The following RBFOX1 variants were observed in gnomAD, a reference collection of about 807,000 sequenced individuals.
RBFOX1 encodes the protein RNA binding fox-1 homolog 1.
Under a neutral mutation model 57.7 loss-of-function variants are expected in RBFOX1, and 8 were observed. The ratio of observed to expected loss-of-function variants is 0.14; its 90% CI spans 0.08 to 0.25. The LOEUF (loss-of-function observed/expected upper bound fraction) is 0.25. Among genes scored for constraint, RBFOX1 ranks in the 10% least tolerant of loss-of-function variants. RBFOX1 has a pLI of 1.00. For missense variants in RBFOX1, 611 were observed against 548.5 expected (o/e 1.11, Z -1.14); for synonymous variants, 326 against 222.4 (o/e 1.47, Z -4.15).
chr16:5,904,501 T>G (rs1435940112), intron 4 of RBFOX1, among the ~76,000 whole-genome samples: 2 of 151,526 alleles, frequency 1.3e-5, no homozygotes, highest in Non-Finnish European at 2.9e-5. Context: ...ACAAGCAGAA[T>G]GTGGGGATGG....
chr16:6,998,116 A>G (rs2092425643), intron 3 of RBFOX1, among the ~76,000 whole-genome samples: 1 of 152,134 alleles, frequency 6.6e-6, no homozygotes, highest in Non-Finnish European at 1.5e-5. Flanking sequence ...ACAATAGCAT[A>G]TGTAGTATAT....
chr16:6,637,581 A>AGAATAGTCTATATAGTATATATG (rs71145265), intron 2 of RBFOX1, among the ~76,000 whole-genome samples: 7 of 143,210 alleles, frequency 4.9e-5, no homozygotes, highest in East Asian at 2.0e-4. Context: ...TAGTATATAT[A>AGAATAGTCTATATAGTATATATG]TAATAGTCTA....
intron 1 of RBFOX1, among the ~76,000 whole-genome samples, chr16:5,354,453 T>C (rs1431482947): frequency 6.6e-6 from 1 of 152,184 alleles, no homozygotes; most frequent in Non-Finnish European, 1.5e-5. Flanking sequence ...AGCCCCGGTT[T>C]TCTTGTGTGT....
chr16:5,658,066 C>T (rs967719816), intron 3 of RBFOX1, among the ~76,000 whole-genome samples: 1 of 152,108 alleles, frequency 6.6e-6, no homozygotes, highest in African/African-American at 2.4e-5. Flanking sequence ...TTTCGTGATC[C>T]AGACTCCAGG....
intron 4 of RBFOX1, among the ~76,000 whole-genome samples, chr16:7,128,955 G>A (rs922060119): frequency 6.6e-6 from 1 of 151,472 alleles, no homozygotes; most frequent in Non-Finnish European, 1.5e-5. Flanking sequence ...CAAGTAGCTG[G>A]GACTACAGGT....
intron 1 of RBFOX1, among the ~76,000 whole-genome samples, chr16:5,463,362 C>G (rs1269425826): frequency 6.6e-6 from 1 of 152,124 alleles, no homozygotes; most frequent in Non-Finnish European, 1.5e-5. Context: ...TGAAGCTGAT[C>G]TCTTTATTCT....
chr16:6,882,866 C>A (rs2063238612), intron 3 of RBFOX1, among the ~76,000 whole-genome samples: 1 of 152,142 alleles, frequency 6.6e-6, no homozygotes, highest in African/African-American at 2.4e-5. Flanking sequence ...GAGTGAACAA[C>A]CATCTTCCTG....
intron 3 of RBFOX1, among the ~76,000 whole-genome samples, chr16:6,861,207 T>A (rs1442293163): frequency 6.6e-6 from 1 of 152,200 alleles, no homozygotes; most frequent in Non-Finnish European, 1.5e-5. Context: ...CAGCTACAGT[T>A]ACCGCTGTGT....
intron 1 of RBFOX1, among the ~76,000 whole-genome samples, chr16:5,273,389 A>T (rs1045616233): frequency 6.6e-6 from 1 of 152,170 alleles, no homozygotes; most frequent in Non-Finnish European, 1.5e-5. Context: ...ATAATGATGA[A>T]CAAGATAAAC....
At chr16:5,553,508 G>A (rs887225912) in intron 2 of RBFOX1, among the ~76,000 whole-genome samples, 1 of 151,894 alleles carries the variant, frequency 6.6e-6, no homozygotes, top group African/African-American at 2.4e-5. Context: ...GTAGAGACAG[G>A]GTTTCACTGT....
At chr16:6,547,670 G>T (rs2096915176) in intron 2 of RBFOX1, among the ~76,000 whole-genome samples, 1 of 152,052 alleles carries the variant, frequency 6.6e-6, no homozygotes, top group African/African-American at 2.4e-5. Flanking sequence ...ATCGCTTTTT[G>T]AGGTTTGTAA....
intron 1 of RBFOX1, among the ~76,000 whole-genome samples, chr16:5,398,915 C>A (rs2066637032): frequency 6.6e-6 from 1 of 152,200 alleles, no homozygotes; most frequent in Non-Finnish European, 1.5e-5. Flanking sequence ...GCAGCGGAGG[C>A]TGTGAACCAG....
chr16:5,333,254 A>AGG (rs1276668674), intron 1 of RBFOX1, among the ~76,000 whole-genome samples: 2 of 152,224 alleles, frequency 1.3e-5, no homozygotes, highest in East Asian at 3.9e-4. Context: ...AGGGGCTGAC[A>AGG]AACCATGGTC....
At chr16:5,424,293 C>A (rs1167812299) in intron 1 of RBFOX1, among the ~76,000 whole-genome samples, 1 of 152,186 alleles carries the variant, frequency 6.6e-6, no homozygotes, top group African/African-American at 2.4e-5. Context: ...TTATAACTTG[C>A]CCATGCAGGT....
chr16:7,477,937 C>A (rs921918017), intron 4 of RBFOX1, among the ~76,000 whole-genome samples: 2 of 152,128 alleles, frequency 1.3e-5, no homozygotes, highest in Non-Finnish European at 2.9e-5. Flanking sequence ...TTGATCTGAA[C>A]CTTTGCACTC....
chr16:5,344,923 A>G (rs2065108122), intron 1 of RBFOX1, among the ~76,000 whole-genome samples: 1 of 152,166 alleles, frequency 6.6e-6, no homozygotes, highest in African/African-American at 2.4e-5. Flanking sequence ...ATCTATGTAC[A>G]CCAGACATCC....
intron 3 of RBFOX1, among the ~76,000 whole-genome samples, chr16:6,679,878 G>GTTTTTTTTTTTTTTTTTTTTTTTT (rs71145274): frequency 9.6e-5 from 11 of 114,304 alleles, no homozygotes; most frequent in Non-Finnish European, 1.5e-4. Context: ...GTTTCTACTT[G>GTTTTTTTTTTTTTTTTTTTTTTTT]TTTTTTTTTT....
Position 7,068,028 on chromosome 16 carries a change from C to T in RBFOX1, c.27+15930C>T, listed in dbSNP as rs1260834603. ...CAGCCATGGTTTCATGAATCACTCT[C>T]ATGGTTTGACTCTCTCGTGCCTCTT... On this transcript the variant is annotated intron_variant, in intron 4 of 15. Coordinates refer to ENST00000550418, the MANE Select transcript of RBFOX1 (RefSeq NM_018723.4). Among the ~76,000 whole-genome samples the T allele has an allele frequency of 2.0e-5, 3 of 148,854 alleles. No homozygotes were observed. The East Asian group carries it at 6.0e-4, about 30-fold the overall frequency.
chr16:7,654,245 A>G (rs565083952), intron 12 of RBFOX1, among the ~76,000 whole-genome samples: 1 of 152,330 alleles, frequency 6.6e-6, no homozygotes, highest in African/African-American at 2.4e-5. Context: ...ACAGCCAAAG[A>G]TGTATTTCTG....
Sources: allele counts gnomAD v4.1 joint callset (sites outside exome capture counted in the v4.1 genomes callset), GRCh38; gene constraint gnomAD v4.1.1; transcripts MANE v1.5; gene names NCBI Gene and HGNC (gene_info 2026-07-23, HGNC 2026-07-21).